Variants in LDB3 observed in about 807,000 individuals in gnomAD.
LDB3 encodes LIM domain-binding protein 3.
LDB3 carries 49 observed loss-of-function variants against 69.0 expected under a neutral mutation model. The observed-to-expected ratio is 0.71, with a 90% CI of 0.56 to 0.90. The LOEUF is 0.90. Among genes scored for constraint, LDB3 ranks in the 40% least tolerant of loss-of-function variants. The pLI is 0.00. For missense variants in LDB3, 928 were observed against 974.1 expected (o/e 0.95, Z 0.63); for synonymous variants, 387 against 396.2 (o/e 0.98, Z 0.28).
chr10:86,695,051 T>A (rs1845939913), intron 7 of LDB3, among the ~76,000 whole-genome samples: 2 of 152,214 alleles, frequency 1.3e-5, no homozygotes, highest in African/African-American at 4.8e-5. Flanking sequence ...TGCTTCCAAG[T>A]GTCTCACTCC....
At chr10:86,695,013 GT>G (rs765234081) in intron 7 of LDB3, among the ~76,000 whole-genome samples, 8 of 152,206 alleles carry the variant, frequency 5.3e-5, no homozygotes, top group Non-Finnish European at 7.3e-5. Context: ...TGAAGGCTGA[GT>G]TTCCCCAGGA....
intron 5 of LDB3, among the ~76,000 whole-genome samples, chr10:86,685,314 G>C (rs35422936): frequency 0.038 from 5,830 of 152,330 alleles, 156 homozygotes; most frequent in Middle Eastern, 0.11. Flanking sequence ...AGCTGGTCCT[G>C]TCTCCACCCC....
At chr10:86,676,440 G>C (rs1172280505) in intron 2 of LDB3, among the ~76,000 whole-genome samples, 1 of 152,018 alleles carries the variant, frequency 6.6e-6, no homozygotes, top group Non-Finnish European at 1.5e-5. Context: ...GCATGCGCTT[G>C]TGGTCTCAGC....
intron 5 of LDB3, 53 bp downstream of exon 5, chr10:86,681,856 C>G (rs1020443599): frequency 9.2e-6 from 14 of 1,517,420 alleles, no homozygotes; most frequent in Non-Finnish European, 1.2e-5. Context: ...CCTGGGTCCT[C>G]GGTGCTCGGC....
At chr10:86,726,332 A>G in intron 13 of LDB3, 80 bp downstream of exon 13, 2 of 1,037,396 alleles carry the variant, frequency 1.9e-6, no homozygotes, top group Non-Finnish European at 3.0e-6. Flanking sequence ...CAACCTCTAC[A>G]TACCTTGCCA....
At position 86,699,001 on chromosome 10, in the gene LDB3, C is replaced by G. The variant is rs561379869; in HGVS notation, c.896+6430C>G. Among the ~76,000 whole-genome samples the G allele has an allele frequency of 2.0e-5, 3 of 152,210 alleles. No individual in the cohort carries two copies. The East Asian group carries it at 5.8e-4, about 30-fold the overall frequency. Reference sequence around the variant, plus strand: ...TAGCCAGGTCCCTTCTCCACAGCCCCCAACTCACTCAAGGCAGGGACTTCA... The same window carrying G: ...TAGCCAGGTCCCTTCTCCACAGCCCGCAACTCACTCAAGGCAGGGACTTCA... On this transcript the variant is annotated intron_variant, in intron 7 of 13. Coordinates refer to ENST00000361373, the MANE Select transcript of LDB3 (RefSeq NM_007078.3). This position sits in a 1 kb window ranked among gnomAD's most constrained non-coding sequence, Gnocchi z 4.9.
rs906145249 is a variant in LDB3, at chr10:86,707,761, C to T, written c.1085+1042C>T. 2.2e-4 allele frequency among the ~76,000 whole-genome samples: 34 copies of T among 152,214 alleles called. 1 individual carries two copies. Among genetic ancestry groups the T allele is most frequent in the Admixed American group, 2.0e-3 (30 of 15,280 alleles). ...GCAGGCCTGTCTGCTGCCCCCATCC[C>T]GGGCTTCACATTAACCACATGGTGC... On this transcript the variant is annotated intron_variant, in intron 8 of 13. Transcript: ENST00000361373.
At chr10:86,732,758 C>T (rs749155762) in intron 13 of LDB3, 129 bp from the exon 14 acceptor site, 1 of 703,222 alleles carries the variant, frequency 1.4e-6, no homozygotes, top group Non-Finnish European at 2.6e-6. Flanking sequence ...CCTGCCTTGG[C>T]CTTCCAAAGT....
intron 2 of LDB3, among the ~76,000 whole-genome samples, chr10:86,670,344 C>T (rs1372738719): frequency 6.6e-6 from 1 of 152,142 alleles, no homozygotes; most frequent in Non-Finnish European, 1.5e-5. Flanking sequence ...CTGCCCTTTC[C>T]CACAGCTCCC....
chr10:86,687,966 T>C (rs922463939), intron 5 of LDB3, among the ~76,000 whole-genome samples: 2 of 152,186 alleles, frequency 1.3e-5, no homozygotes, highest in African/African-American at 2.4e-5. Context: ...TCTCTCTGCG[T>C]GTCTCTGTGT....
chr10:86,675,568 G>C (rs1028450270), intron 2 of LDB3, among the ~76,000 whole-genome samples: 2 of 152,270 alleles, frequency 1.3e-5, no homozygotes, highest in Non-Finnish European at 2.9e-5. Context: ...TGCCGTGAGA[G>C]AGCCTTGCTG....
intron 5 of LDB3, among the ~76,000 whole-genome samples, chr10:86,683,249 G>C (rs983495442): frequency 3.3e-5 from 5 of 152,146 alleles, no homozygotes; most frequent in African/African-American, 4.8e-5. Flanking sequence ...CATGCACTCT[G>C]GCTATGGACC....
At chr10:86,694,596 T>C (rs1211246674) in intron 7 of LDB3, among the ~76,000 whole-genome samples, 1 of 152,122 alleles carries the variant, frequency 6.6e-6, no homozygotes, top group Non-Finnish European at 1.5e-5. Flanking sequence ...TCCTCTCCCT[T>C]CTTCTGACTT....
intron 5 of LDB3, among the ~76,000 whole-genome samples, chr10:86,682,704 G>T (rs549814132): frequency 6.6e-6 from 1 of 152,304 alleles, no homozygotes; most frequent in South Asian, 2.1e-4. Context: ...GAATCACACT[G>T]TCCATGTCTC....
chr10:86,668,403 G>A (rs1043485149), upstream of LDB3: 205 of 512,628 alleles, frequency 4.0e-4, no homozygotes, highest in Admixed American at 9.6e-4. Flanking sequence ...GTGAGTCATG[G>A]TGGACCGGCT....
rs118106617 is a variant in LDB3, at chr10:86,672,861, C to T, written c.93+4077C>T. On this transcript the variant is annotated intron_variant, in intron 2 of 13. Coordinates refer to ENST00000361373, the MANE Select transcript of LDB3 (RefSeq NM_007078.3). ...GCAAGGGCAGCTGCATAAGCAGCCC[C>T]AGGGCTCCGGGCCTACAGATATTGT... Among the ~76,000 whole-genome samples, 88 of 152,356 alleles carry T rather than the reference C, an allele frequency of 5.8e-4. 1 individual carries two copies. The East Asian group carries it at 0.013, about 23-fold the overall frequency.
chr10:86,692,002 C>T lies in LDB3; in HGVS notation c.796C>T (p.Arg266Cys), dbSNP rs776803568. 15 of 1,614,174 alleles carry T rather than the reference C, an allele frequency of 9.3e-6. No individual in the cohort carries two copies. The highest frequency in any genetic ancestry group is 4.5e-5 in the East Asian group (2 of 44,876). ...AGATGAGGCTGACGAGTGGGCACGC[C>T]GTTCCTCCAACCTGCAGTCTCGCTC... ...PEDEADEWAR[R>C]SSNLQSRSFR... The change falls in exon 6 of 14, where the codon CGT (arginine) becomes TGT (cysteine). Residue 266 changes from arginine to cysteine, a missense_variant. Transcript: ENST00000361373.
intron 9 of LDB3, among the ~76,000 whole-genome samples, chr10:86,711,337 G>A (rs1290681552): frequency 6.6e-6 from 1 of 152,040 alleles, no homozygotes; most frequent in Non-Finnish European, 1.5e-5. Context: ...CCGGGCTGGG[G>A]CCCAGGCGAG....
intron 2 of LDB3, among the ~76,000 whole-genome samples, chr10:86,676,609 C>T (rs10887644): frequency 0.56 from 83,776 of 148,820 alleles, 24,132 homozygotes; most frequent in East Asian, 0.75. Flanking sequence ...GAGGGCACCA[C>T]AGCCCCTAGG....
Sources: gnomAD v4.1 joint callset for allele counts (sites outside exome capture counted in the v4.1 genomes callset) on GRCh38, gnomAD v4.1.1 for gene constraint, Gnocchi (gnomAD v3.1) non-coding constraint, MANE v1.5 for transcripts, NCBI Gene and HGNC (gene_info 2026-07-23, HGNC 2026-07-21) for gene names.